CPED1: variants seen among roughly 807,000 people sequenced by gnomAD.
CPED1 encodes cadherin-like and PC-esterase domain-containing protein 1.
CPED1 carries 114 observed loss-of-function variants against 128.2 expected under a neutral mutation model. The ratio of observed to expected loss-of-function variants is 0.89; its 90% confidence interval spans 0.76 to 1.04. CPED1 has a LOEUF of 1.04. Ranked by LOEUF, CPED1 falls within the 50% of genes least tolerant of loss-of-function variation. The pLI is 0.00. For synonymous variants in CPED1, 462 were observed against 426.7 expected (o/e 1.08, Z -1.02); for missense variants, 1,211 against 1,207.1 (o/e 1.00, Z -0.05).
intron 18 of CPED1, among the ~76,000 whole-genome samples, chr7:121,258,535 T>G (rs923352198): frequency 4.6e-5 from 7 of 152,102 alleles, no homozygotes; most frequent in African/African-American, 1.7e-4. Context: ...ATACGGATAT[T>G]TATTTTTTGC....
intron 18 of CPED1, among the ~76,000 whole-genome samples, chr7:121,254,042 A>G (rs1798747839): frequency 6.6e-6 from 1 of 152,028 alleles, no homozygotes. Context: ...TGGACTTAAA[A>G]TCACTTGACC....
At chr7:121,254,585 T>C (rs1217563303) in intron 18 of CPED1, among the ~76,000 whole-genome samples, 1 of 151,892 alleles carries the variant, frequency 6.6e-6, no homozygotes, top group African/African-American at 2.4e-5. Flanking sequence ...AAAACAGAGA[T>C]GTAAAAATCC....
At chr7:120,994,657 GTGT>G (rs1554418494) in intron 2 of CPED1, among the ~76,000 whole-genome samples, 8 of 149,194 alleles carry the variant, frequency 5.4e-5, no homozygotes, top group Non-Finnish European at 8.9e-5. Flanking sequence ...GTGTGTGTGT[GTGT>G]TGTTGTTGTT....
At chr7:121,249,318 A>T (rs1356265306) in intron 18 of CPED1, among the ~76,000 whole-genome samples, 1 of 152,174 alleles carries the variant, frequency 6.6e-6, no homozygotes, top group Non-Finnish European at 1.5e-5. Flanking sequence ...TTCAAAAAAC[A>T]TGGAGAACTC....
At chr7:121,097,866 T>G in intron 6 of CPED1, 35 bp downstream of exon 6, 1 of 1,610,766 alleles carries the variant, frequency 6.2e-7, no homozygotes, top group South Asian at 1.1e-5. Flanking sequence ...ATAACCAGCA[T>G]GCATTGTAGG....
intron 15 of CPED1, among the ~76,000 whole-genome samples, chr7:121,141,493 A>G (rs1216897636): frequency 2.0e-5 from 3 of 152,060 alleles, no homozygotes; most frequent in Non-Finnish European, 4.4e-5. Flanking sequence ...ATAGCAAAGA[A>G]GATACTCATG....
chr7:120,996,082 C>G (rs1796398920), intron 2 of CPED1, among the ~76,000 whole-genome samples: 1 of 151,714 alleles, frequency 6.6e-6, no homozygotes, highest in Non-Finnish European at 1.5e-5. Context: ...AGTTCAAGAC[C>G]AGCCTAGGCA....
intron 16 of CPED1, among the ~76,000 whole-genome samples, chr7:121,161,278 G>T (rs962447035): frequency 2.6e-5 from 4 of 152,136 alleles, no homozygotes; most frequent in African/African-American, 7.2e-5. Context: ...CACTGGGGTT[G>T]CTGGCAGAAT....
At chr7:121,205,135 T>C (rs1797489502) in intron 16 of CPED1, among the ~76,000 whole-genome samples, 2 of 152,162 alleles carry the variant, frequency 1.3e-5, no homozygotes, top group African/African-American at 4.8e-5. Flanking sequence ...ATAGTAATTA[T>C]AATTTTTATT....
At chr7:121,171,872 A>G (rs1796654568) in intron 16 of CPED1, among the ~76,000 whole-genome samples, 1 of 152,196 alleles carries the variant, frequency 6.6e-6, no homozygotes, top group South Asian at 2.1e-4. Flanking sequence ...ATATGCAACT[A>G]TTAAATTGAT....
intron 22 of CPED1, among the ~76,000 whole-genome samples, chr7:121,279,376 G>A (rs908622901): frequency 1.3e-5 from 2 of 151,774 alleles, no homozygotes; most frequent in African/African-American, 2.4e-5. Context: ...TTGACCACAA[G>A]CATTTATCTT....
intron 4 of CPED1, among the ~76,000 whole-genome samples, chr7:121,047,629 G>A (rs1028241968): frequency 6.8e-6 from 1 of 146,062 alleles, no homozygotes; most frequent in Non-Finnish European, 1.5e-5. Context: ...CCTACAATTC[G>A]CCATCTAGAT....
intron 16 of CPED1, among the ~76,000 whole-genome samples, chr7:121,191,624 C>T (rs1340895260): frequency 6.6e-6 from 1 of 152,112 alleles, no homozygotes; most frequent in Admixed American, 6.6e-5. Context: ...TTCTAATTCA[C>T]TCAAATTTGG....
chr7:121,208,855 GT>G (rs989216467), intron 16 of CPED1, among the ~76,000 whole-genome samples: 8 of 151,986 alleles, frequency 5.3e-5, no homozygotes, highest in African/African-American at 1.7e-4. Flanking sequence ...AAGGAATCCT[GT>G]TTCAAAAATT....
At chr7:121,133,768 TC>T (rs1563039603) in intron 12 of CPED1, 54 bp from the exon 13 acceptor site, 1 of 1,175,864 alleles carries the variant, frequency 8.5e-7, no homozygotes, top group Non-Finnish European at 1.2e-6. Flanking sequence ...AGATGTAATT[TC>T]CACGCGTTTT....
intron 3 of CPED1, among the ~76,000 whole-genome samples, chr7:121,018,683 C>T (rs1204761048): frequency 6.6e-6 from 1 of 152,064 alleles, no homozygotes; most frequent in African/African-American, 2.4e-5. Flanking sequence ...CTTTCCTGTC[C>T]TTTCCTGATC....
chr7:121,212,771 T>C (rs1365929631), intron 16 of CPED1, among the ~76,000 whole-genome samples: 1 of 152,078 alleles, frequency 6.6e-6, no homozygotes, highest in Non-Finnish European at 1.5e-5. Context: ...TGAGTACTGA[T>C]GATTTTCAAA....
At chr7:121,105,096 C>T (rs1441229192) in intron 7 of CPED1, among the ~76,000 whole-genome samples, 3 of 152,070 alleles carry the variant, frequency 2.0e-5, no homozygotes, top group Admixed American at 2.0e-4. Context: ...CCAGTGCTTG[C>T]AGTTCCCTCT....
In CPED1 at chr7:120,997,477, A is replaced by AC. The variant is rs1296758509; in HGVS notation, c.249+7611dup. Reference sequence around the variant, plus strand: ...ATTGGTATTATGGGTTAAATTGTGTACCCCATCCCTGAAAAGATATGTTGA... The same window carrying AC: ...ATTGGTATTATGGGTTAAATTGTGTACCCCCATCCCTGAAAAGATATGTTGA... On this transcript the variant is annotated intron_variant, in intron 2 of 22. Coordinates refer to ENST00000310396, the MANE Select transcript of CPED1 (RefSeq NM_024913.5). 2.0e-5 allele frequency among the ~76,000 whole-genome samples: 3 copies of AC among 152,116 alleles called. 1 individual carries two copies. Among genetic ancestry groups the AC allele is most frequent in the Admixed American group, 1.3e-4 (2 of 15,272 alleles).
Sources: gnomAD v4.1 joint callset for allele counts (sites outside exome capture counted in the v4.1 genomes callset) on GRCh38, gnomAD v4.1.1 for gene constraint, MANE v1.5 for transcripts, NCBI Gene and HGNC (gene_info 2026-07-23, HGNC 2026-07-21) for gene names.